Variants in AGR3 observed in about 807,000 individuals in gnomAD.
AGR3 encodes anterior gradient protein 3.
Under a neutral mutation model 24.5 loss-of-function variants are expected in AGR3, and 37 were observed. That is an observed-to-expected ratio of 1.51 (90% CI 1.16 to 1.99). AGR3 has a LOEUF of 1.99. Ranked by LOEUF, AGR3 falls within the 30% of genes most tolerant of loss-of-function variation. AGR3 has a pLI of 0.00. For synonymous variants in AGR3, 75 were observed against 61.6 expected, an observed-to-expected ratio of 1.22 and a Z score of -1.02; for missense variants, 228 against 191.1, an observed-to-expected ratio of 1.19 and a Z score of -1.14.
At chr7:16,869,166 T>C (rs1781817205) in intron 3 of AGR3, among the ~76,000 whole-genome samples, 1 of 152,194 alleles carries the variant, frequency 6.6e-6, no homozygotes, top group South Asian at 2.1e-4. Flanking sequence ...TATTGTGTTG[T>C]AATCTATTCC....
intron 3 of AGR3, chr7:16,865,603 A>T (rs1781743196): frequency 2.7e-6 from 2 of 731,642 alleles, no homozygotes; most frequent in Non-Finnish European, 5.1e-6. Context: ...AAAGTATGAG[A>T]ATCCCTATAA....
intron 4 of AGR3, 100 bp downstream of exon 4, chr7:16,862,510 A>T (rs1366642064): frequency 1.5e-6 from 1 of 650,354 alleles, no homozygotes; most frequent in African/African-American, 1.9e-5. Flanking sequence ...TTTTAATGGG[A>T]TTTGCTGAGC....
At chr7:16,864,500 TGTCA>T (rs1583837630) in intron 3 of AGR3, 1 of 1,260,308 alleles carries the variant, frequency 7.9e-7, no homozygotes, top group Non-Finnish European at 1.2e-6. Context: ...CCATGTTCCC[TGTCA>T]GTCAGGGCTT....
chr7:16,879,917 A>G (rs1157988682), intron 1 of AGR3, among the ~76,000 whole-genome samples: 2 of 152,048 alleles, frequency 1.3e-5, no homozygotes, highest in South Asian at 4.1e-4. Context: ...ACATTTCCTC[A>G]TTCCTCCCAT....
chr7:16,872,938 A>G (rs1342182392), intron 3 of AGR3, among the ~76,000 whole-genome samples: 3 of 152,208 alleles, frequency 2.0e-5, no homozygotes, highest in African/African-American at 7.2e-5. Context: ...TATTATCAAA[A>G]AGACAAAAAA....
intron 7 of AGR3, 132 bp downstream of exon 7, chr7:16,860,368 G>T: frequency 1.5e-6 from 1 of 663,978 alleles, no homozygotes; most frequent in Non-Finnish European, 2.7e-6. Flanking sequence ...GGAGCTAGAA[G>T]TTGGCATTTA....
chr7:16,879,604 TA>T (rs1236359110), intron 1 of AGR3, among the ~76,000 whole-genome samples: 1 of 152,256 alleles, frequency 6.6e-6, no homozygotes, highest in African/African-American at 2.4e-5. Context: ...GAAGTTCCTT[TA>T]AGACGTCTTT....
At chr7:16,861,302 T>G (rs902872478) in intron 6 of AGR3, 82 bp downstream of exon 6, 3 of 1,084,500 alleles carry the variant, frequency 2.8e-6, no homozygotes, top group Non-Finnish European at 2.6e-6. Context: ...GAATAGTACT[T>G]GAACTAGCAT....
chr7:16,862,927 TG>T (rs1781677726), intron 3 of AGR3, among the ~76,000 whole-genome samples: 1 of 152,200 alleles, frequency 6.6e-6, no homozygotes, highest in African/African-American at 2.4e-5. Flanking sequence ...CAAAATTAGC[TG>T]GGCACAGTGG....
intron 6 of AGR3, among the ~76,000 whole-genome samples, chr7:16,861,023 CTAAAACAAATGTCAAACCAAT>C (rs1781631739): frequency 2.0e-5 from 3 of 151,224 alleles, no homozygotes; most frequent in East Asian, 3.9e-4. Context: ...AATTTATAAT[CTAAAACAAATGTCAAACCAAT>C]TTATAAGCAA....
intron 5 of AGR3, 51 bp from the exon 6 acceptor site, chr7:16,861,498 T>C: frequency 6.7e-7 from 1 of 1,490,348 alleles, no homozygotes. Flanking sequence ...TTGTTTTTGA[T>C]AGTTTCAAGA....
At chr7:16,869,538 G>A (rs567861347) in intron 3 of AGR3, among the ~76,000 whole-genome samples, 27 of 152,118 alleles carry the variant, frequency 1.8e-4, no homozygotes, top group African/African-American at 6.5e-4. Flanking sequence ...GACTAGTCTG[G>A]GCAACATGAT....
chr7:16,865,262 G>C lies in AGR3; in HGVS notation c.174-2600C>G, dbSNP rs185098001. 53 of 916,778 alleles carry C rather than the reference G, an allele frequency of 5.8e-5. 1 individual carries two copies. In the Admixed American group the frequency reaches 9.2e-4, roughly 16 times the overall value. The allele number at this position is 916,778 out of a possible 1,614,324, so 56.8% of individuals were successfully genotyped here. A position where few individuals can be genotyped will look rare whatever the true frequency, so the allele number is the denominator to read the frequency against. ...TTCTTTTTTTCCTTGGCCATAAGTT[G>C]TTTTCTCCTTTTGAAGAAGAAATCT... On this transcript the variant is annotated intron_variant, in intron 3 of 7. Coordinates refer to ENST00000310398, the MANE Select transcript of AGR3 (RefSeq NM_176813.5).
At chr7:16,864,919 A>AT in intron 3 of AGR3, 1 of 928,146 alleles carries the variant, frequency 1.1e-6, no homozygotes, top group South Asian at 1.3e-5. Context: ...AATATCATCA[A>AT]TTTCCATGAA....
chr7:16,865,038 G>C (rs921357809), intron 3 of AGR3: 16 of 814,764 alleles, frequency 2.0e-5, no homozygotes, highest in Non-Finnish European at 2.9e-5. Flanking sequence ...TTCATATTCT[G>C]ATAAATGAGA....
downstream of AGR3, among the ~76,000 whole-genome samples, chr7:16,855,466 A>T (rs1259678990): frequency 1.3e-5 from 2 of 152,146 alleles, no homozygotes; most frequent in Non-Finnish European, 2.9e-5. Context: ...TGCTAATACC[A>T]GGGGAGCCAA....
intron 3 of AGR3, among the ~76,000 whole-genome samples, chr7:16,872,273 A>G (rs897776932): frequency 5.3e-5 from 8 of 152,222 alleles, no homozygotes; most frequent in African/African-American, 1.9e-4. Flanking sequence ...AGACCAATGG[A>G]ATAGAATAGA....
At chr7:16,880,550 CCCTCCTTTCCCCTCCTT>C (rs1782098127) in intron 1 of AGR3, among the ~76,000 whole-genome samples, 1 of 122,848 alleles carries the variant, frequency 8.1e-6, no homozygotes, top group Non-Finnish European at 1.7e-5. Flanking sequence ...CCCTCCTCTC[CCCTCCTTTCCCCTCCTT>C]TCCCCTCCTC....
chr7:16,879,744 T>G (rs977194066), intron 1 of AGR3, among the ~76,000 whole-genome samples: 10 of 152,366 alleles, frequency 6.6e-5, no homozygotes, highest in African/African-American at 2.4e-4. Context: ...TTTATTGTAG[T>G]AGGCATTGTG....
Sources: gnomAD v4.1 joint callset for allele counts (sites outside exome capture counted in the v4.1 genomes callset) on GRCh38, gnomAD v4.1.1 for gene constraint, MANE v1.5 for transcripts, NCBI Gene and HGNC (gene_info 2026-07-23, HGNC 2026-07-21) for gene names.